Variants in ACVR2A observed in about 807,000 individuals in gnomAD.
The protein encoded by ACVR2A is activin receptor type-2A.
Under a neutral mutation model 61.4 loss-of-function variants are expected in ACVR2A, and 7 were observed. The ratio of observed to expected loss-of-function variants is 0.11; its 90% CI spans 0.06 to 0.21. ACVR2A has a LOEUF of 0.21. Ranked by LOEUF, ACVR2A falls within the 10% of genes least tolerant of loss-of-function variation. ACVR2A has a pLI of 1.00. For missense variants in ACVR2A, 322 were observed against 621.7 expected (o/e 0.52, Z 5.13); for synonymous variants, 193 against 208.3 (o/e 0.93, Z 0.63).
rs1397044201 is a variant in ACVR2A, at chr2:147,913,322, G to A, written c.529-1869G>A. ...AAAAGCTATTAAAAATCTTAATATT[G>A]TAATTTAGCACTGTATTCCCTCTAC... On this transcript the variant is annotated intron_variant, in intron 4 of 10. Coordinates refer to ENST00000241416, the MANE Select transcript of ACVR2A (RefSeq NM_001616.5). Among the ~76,000 whole-genome samples the A allele has an allele frequency of 2.0e-5, 3 of 151,712 alleles. No homozygotes were observed. The East Asian group carries it at 5.8e-4, about 29-fold the overall frequency.
intron 1 of ACVR2A, among the ~76,000 whole-genome samples, chr2:147,884,154 A>G (rs1686375939): frequency 6.6e-6 from 1 of 152,074 alleles, no homozygotes; most frequent in African/African-American, 2.4e-5. Flanking sequence ...TTTATGCCCG[A>G]TTTTGTTTTT....
chr2:147,908,683 A>C (rs1286597476), intron 4 of ACVR2A, among the ~76,000 whole-genome samples: 1 of 152,166 alleles, frequency 6.6e-6, no homozygotes, highest in Non-Finnish European at 1.5e-5. Flanking sequence ...AAAATTTCTT[A>C]GAATGTAAAA....
At chr2:147,898,371 A>G (rs138362163) in intron 2 of ACVR2A, 83 of 152,276 alleles carry the variant, frequency 5.5e-4, no homozygotes, top group African/African-American at 1.9e-3. Context: ...CTAAGTAATC[A>G]TGTTAATCTG....
intron 1 of ACVR2A, among the ~76,000 whole-genome samples, chr2:147,848,072 ACTGTGTATGTGTGAATGTATGT>A (rs1457111815): frequency 1.3e-5 from 2 of 152,198 alleles, no homozygotes; most frequent in African/African-American, 4.8e-5. Flanking sequence ...GCTAGGCAGT[ACTGTGTATGTGTGAATGTATGT>A]GTGGTTGGAG....
At chr2:147,899,953 A>G in intron 4 of ACVR2A, 55 bp downstream of exon 4, 1 of 1,553,758 alleles carries the variant, frequency 6.4e-7, no homozygotes, top group Admixed American at 1.8e-5. Flanking sequence ...TTTGAGAAAT[A>G]TTACTGTGGT....
At chr2:147,919,779 A>G (rs1400634671) in intron 7 of ACVR2A, among the ~76,000 whole-genome samples, 2 of 152,172 alleles carry the variant, frequency 1.3e-5, no homozygotes, top group Non-Finnish European at 2.9e-5. Context: ...AAGAACCTCT[A>G]TAATAAGGGA....
At chr2:147,911,982 A>T (rs1329981145) in intron 4 of ACVR2A, among the ~76,000 whole-genome samples, 1 of 152,058 alleles carries the variant, frequency 6.6e-6, no homozygotes, top group Non-Finnish European at 1.5e-5. Flanking sequence ...AGATATTTTT[A>T]GATAGCTTCA....
chr2:147,879,100 T>G (rs1167303556), intron 1 of ACVR2A, among the ~76,000 whole-genome samples: 2 of 152,352 alleles, frequency 1.3e-5, no homozygotes, highest in East Asian at 3.9e-4. Flanking sequence ...TCAAGAAGTA[T>G]TTGCAAATTA....
At chr2:147,920,401 G>C in intron 8 of ACVR2A, 57 bp downstream of exon 8, 1 of 1,335,890 alleles carries the variant, frequency 7.5e-7, no homozygotes, top group Non-Finnish European at 1.1e-6. Flanking sequence ...TATTTTCTTA[G>C]AATGGCATGT....
intron 1 of ACVR2A, among the ~76,000 whole-genome samples, chr2:147,865,573 A>G (rs1208382960): frequency 6.6e-6 from 1 of 152,090 alleles, no homozygotes; most frequent in African/African-American, 2.4e-5. Flanking sequence ...TTTAATCCTT[A>G]ATGGAATTTT....
At chr2:147,881,601 TAG>T (rs766910089) in intron 1 of ACVR2A, among the ~76,000 whole-genome samples, 554 of 79,138 alleles carry the variant, frequency 7.0e-3, no homozygotes, top group African/African-American at 8.8e-3. Flanking sequence ...AGAAGCTGCT[TAG>T]TGTGTGTGTG....
chr2:147,870,950 A>G (rs1329542051), intron 1 of ACVR2A, among the ~76,000 whole-genome samples: 1 of 151,588 alleles, frequency 6.6e-6, no homozygotes, highest in Non-Finnish European at 1.5e-5. Context: ...CACATTCCTC[A>G]TGTATTTTGT....
chr2:147,911,475 A>G (rs896131591), intron 4 of ACVR2A, among the ~76,000 whole-genome samples: 1 of 151,924 alleles, frequency 6.6e-6, no homozygotes, highest in Non-Finnish European at 1.5e-5. Context: ...CTGATGTGTC[A>G]TTTTTCATTT....
At chr2:147,921,661 C>T (rs1233358841) in intron 8 of ACVR2A, among the ~76,000 whole-genome samples, 1 of 151,996 alleles carries the variant, frequency 6.6e-6, no homozygotes, top group African/African-American at 2.4e-5. Flanking sequence ...GAGAATACTA[C>T]CAAGATTGTG....
At chr2:147,895,665 G>A (rs1686714675) in intron 1 of ACVR2A, among the ~76,000 whole-genome samples, 1 of 152,046 alleles carries the variant, frequency 6.6e-6, no homozygotes, top group African/African-American at 2.4e-5. Context: ...TTACAGTATC[G>A]ATAAATACAG....
intron 1 of ACVR2A, among the ~76,000 whole-genome samples, chr2:147,848,180 T>G (rs900030721): frequency 6.6e-6 from 1 of 152,254 alleles, no homozygotes; most frequent in African/African-American, 2.4e-5. Flanking sequence ...ATAAATACTT[T>G]GTTTTCTAAA....
In ACVR2A at chr2:147,927,063, T is replaced by A. The variant is rs750699051; in HGVS notation, c.1348-17T>A. 1 of 1,606,336 alleles carries A rather than the reference T, an allele frequency of 6.2e-7. No homozygotes were observed. The highest frequency in any genetic ancestry group is 2.2e-5 in the East Asian group (1 of 44,618). ...AAAACTGCTGTGGCGTTTGAGTATA[T>A]GTTTTTCTCCTTTTAGGGAATGGCA... On this transcript the variant is annotated splice_polypyrimidine_tract_variant and intron_variant, in intron 10 of 10. Transcript: ENST00000241416.
chr2:147,905,527 A>ATGC (rs1686968238), intron 4 of ACVR2A, among the ~76,000 whole-genome samples: 1 of 151,790 alleles, frequency 6.6e-6, no homozygotes, highest in African/African-American at 2.4e-5. Flanking sequence ...ATATGACATA[A>ATGC]TGCTGTTGTC....
chr2:147,908,963 A>AT (rs1200370557), intron 4 of ACVR2A, among the ~76,000 whole-genome samples: 4 of 152,120 alleles, frequency 2.6e-5, no homozygotes, highest in East Asian at 1.9e-4. Context: ...TTCTGGAAAG[A>AT]TTTTTTGTAT....
Sources: gnomAD v4.1 joint callset for allele counts (sites outside exome capture counted in the v4.1 genomes callset) on GRCh38, gnomAD v4.1.1 for gene constraint, MANE v1.5 for transcripts, NCBI Gene and HGNC (gene_info 2026-07-23, HGNC 2026-07-21) for gene names.